Variants in FAM168A observed in about 807,000 individuals in gnomAD.
The protein encoded by FAM168A is family with sequence similarity 168 member A.
FAM168A carries 3 observed loss-of-function variants against 28.5 expected under a neutral mutation model. The ratio of observed to expected loss-of-function variants is 0.11; its 90% confidence interval spans 0.05 to 0.27. The LOEUF is 0.27. Ranked by LOEUF, FAM168A falls within the 10% of genes least tolerant of loss-of-function variation. FAM168A has a pLI of 1.00. For synonymous variants in FAM168A, 122 were observed against 124.2 expected, an observed-to-expected ratio of 0.98 and a Z score of 0.12; for missense variants, 222 against 311.5, an observed-to-expected ratio of 0.71 and a Z score of 2.16.
chr11:73,493,417 T>G (rs1295694533), intron 1 of FAM168A, among the ~76,000 whole-genome samples: 1 of 152,116 alleles, frequency 6.6e-6, no homozygotes, highest in East Asian at 1.9e-4. Context: ...AAGGTTGTTT[T>G]GTTTTGTGTT....
At chr11:73,434,611 G>A (rs1279611524) in intron 2 of FAM168A, among the ~76,000 whole-genome samples, 1 of 152,226 alleles carries the variant, frequency 6.6e-6, no homozygotes, top group Non-Finnish European at 1.5e-5. Context: ...GGGGGCAGTA[G>A]TAGTAGAGTA....
chr11:73,473,357 G>A (rs748997931), intron 1 of FAM168A, among the ~76,000 whole-genome samples: 32 of 152,082 alleles, frequency 2.1e-4, no homozygotes, highest in Non-Finnish European at 3.2e-4. Flanking sequence ...TTCGCCTCTG[G>A]AACAGTAGGC....
intron 4 of FAM168A, among the ~76,000 whole-genome samples, chr11:73,416,838 T>C (rs1448172665): frequency 6.6e-6 from 1 of 151,794 alleles, no homozygotes; most frequent in Non-Finnish European, 1.5e-5. Flanking sequence ...CCCAGCTACA[T>C]GGGAGGCTGC....
chr11:73,418,481 G>A (rs1250839151), intron 4 of FAM168A, among the ~76,000 whole-genome samples: 2 of 152,208 alleles, frequency 1.3e-5, no homozygotes, highest in Admixed American at 6.5e-5. Flanking sequence ...CTGCAGAACC[G>A]TAAGCCAATT....
intron 1 of FAM168A, among the ~76,000 whole-genome samples, chr11:73,566,146 T>TA (rs1004039131): frequency 3.9e-5 from 6 of 152,212 alleles, no homozygotes; most frequent in Admixed American, 6.5e-5. Context: ...AAATGCACAA[T>TA]AAGTGAGCTT....
Position 73,574,363 on chromosome 11 carries a change from C to T in FAM168A, c.-19+23560G>A, listed in dbSNP as rs1205326670. ...TAAACAGCAATGCTGGACCTCCCAC[C>T]AAGTTTGTATAATCACAAATCCAAT... On this transcript the variant is annotated intron_variant, in intron 1 of 7. Transcript: ENST00000356467. Among the ~76,000 whole-genome samples, 9 of 152,248 alleles carry T rather than the reference C, an allele frequency of 5.9e-5. No homozygotes were observed. In the East Asian group the frequency reaches 1.7e-3, roughly 29 times the overall value.
chr11:73,548,263 ATAAG>A (rs1311595541), intron 1 of FAM168A, among the ~76,000 whole-genome samples: 1 of 151,950 alleles, frequency 6.6e-6, no homozygotes, highest in East Asian at 1.9e-4. Flanking sequence ...AAATAAATAA[ATAAG>A]CAAGCAAGCT....
chr11:73,574,114 C>T (rs1944142389), intron 1 of FAM168A, among the ~76,000 whole-genome samples: 1 of 151,976 alleles, frequency 6.6e-6, no homozygotes, highest in Non-Finnish European at 1.5e-5. Flanking sequence ...CAGAGCAAGA[C>T]CCTGTCTCAA....
At chr11:73,563,699 A>G (rs989392182) in intron 1 of FAM168A, among the ~76,000 whole-genome samples, 1 of 152,250 alleles carries the variant, frequency 6.6e-6, no homozygotes, top group African/African-American at 2.4e-5. Flanking sequence ...TGAGCCAGGC[A>G]GGCAGAAATT....
At chr11:73,408,442 T>G (rs1866548008) in intron 6 of FAM168A, among the ~76,000 whole-genome samples, 1 of 152,136 alleles carries the variant, frequency 6.6e-6, no homozygotes, top group South Asian at 2.1e-4. Flanking sequence ...CTCTACCCCT[T>G]GTACTTTCTT....
At chr11:73,497,583 G>C (rs1162905453) in intron 1 of FAM168A, among the ~76,000 whole-genome samples, 1 of 152,104 alleles carries the variant, frequency 6.6e-6, no homozygotes, top group Non-Finnish European at 1.5e-5. Context: ...TGTGGCTATT[G>C]AACAGCACAG....
chr11:73,434,331 T>C lies in FAM168A; in HGVS notation c.71-3561A>G, dbSNP rs138807778. The stretch of plus-strand genomic sequence containing the variant: ...ATTAAACATAAAGTCTTCAGTGCTA[T>C]GGAAAAGAGAAAATGGGCAAAGTAA... On this transcript the variant is annotated intron_variant, in intron 2 of 7. Coordinates refer to ENST00000356467, the MANE Select transcript of FAM168A (RefSeq NM_015159.3). Among the ~76,000 whole-genome samples, 152 of 152,138 alleles carry C rather than the reference T, an allele frequency of 1.0e-3. 1 individual carries two copies. The highest frequency in any genetic ancestry group is 2.9e-3 in the South Asian group (14 of 4,820).
At chr11:73,451,839 A>G (rs1867436473) in intron 2 of FAM168A, among the ~76,000 whole-genome samples, 1 of 152,234 alleles carries the variant, frequency 6.6e-6, no homozygotes, top group Admixed American at 6.5e-5. Flanking sequence ...CCCTTGTTAA[A>G]TAGTCCATGA....
intron 1 of FAM168A, among the ~76,000 whole-genome samples, chr11:73,572,988 G>C (rs1590741701): frequency 6.6e-6 from 1 of 152,088 alleles, no homozygotes; most frequent in Non-Finnish European, 1.5e-5. Context: ...TCAATTTTCA[G>C]GTAAGAGATA....
At chr11:73,516,889 G>C (rs1017479784) in intron 1 of FAM168A, among the ~76,000 whole-genome samples, 1 of 152,120 alleles carries the variant, frequency 6.6e-6, no homozygotes, top group African/African-American at 2.4e-5. Flanking sequence ...TCTTACAGAA[G>C]CAGCAATAAA....
Position 73,402,857 on chromosome 11 carries a change from A to G in FAM168A, c.*3906T>C, listed in dbSNP as rs2134468507. ...TCTGGGTCCCTCCCCAGGGCTCATT[A>G]CAGGTCCTGGCCCAAAGCAGTTCAT... On this transcript the variant is annotated 3_prime_UTR_variant, in exon 8 of 8. Coordinates refer to ENST00000356467, the MANE Select transcript of FAM168A (RefSeq NM_015159.3). 6.6e-6 allele frequency: 1 copy of G among 152,314 alleles called. No individual in the cohort carries two copies. The highest frequency in any genetic ancestry group is 2.1e-4 in the South Asian group (1 of 4,826). The allele number at this position is 152,314 out of a possible 1,614,324, so 9.4% of individuals were successfully genotyped here.
Position 73,532,302 on chromosome 11 carries a change from C to A in FAM168A, c.-18-63810G>T, listed in dbSNP as rs536361428. Among the ~76,000 whole-genome samples, 7 of 152,098 alleles carry A rather than the reference C, an allele frequency of 4.6e-5. 1 individual carries two copies. ...TTCTTATCAGGACATATACCTACCC[C>A]ACCCCTGCCCAGTGCCTGTTATTAT... On this transcript the variant is annotated intron_variant, in intron 1 of 7. Coordinates refer to ENST00000356467, the MANE Select transcript of FAM168A (RefSeq NM_015159.3).
intron 1 of FAM168A, among the ~76,000 whole-genome samples, chr11:73,536,847 G>A (rs1408228671): frequency 6.6e-6 from 1 of 152,140 alleles, no homozygotes; most frequent in African/African-American, 2.4e-5. Context: ...AAAGATATCT[G>A]TTGTGAACGG....
intron 1 of FAM168A, among the ~76,000 whole-genome samples, chr11:73,483,392 C>T (rs1361740217): frequency 2.0e-5 from 3 of 152,120 alleles, no homozygotes; most frequent in Non-Finnish European, 4.4e-5. Flanking sequence ...GGCTATCTGC[C>T]ACAGGAAGAC....
Sources: allele counts gnomAD v4.1 joint callset (sites outside exome capture counted in the v4.1 genomes callset), GRCh38; gene constraint gnomAD v4.1.1; transcripts MANE v1.5; gene names NCBI Gene and HGNC (gene_info 2026-07-23, HGNC 2026-07-21).